The following TENM3 variants were observed in gnomAD, a reference collection of about 807,000 sequenced individuals.
TENM3 encodes the protein teneurin transmembrane protein 3.
Under a neutral mutation model 255.1 loss-of-function variants are expected in TENM3, and 63 were observed. The observed-to-expected ratio is 0.25, with a 90% CI of 0.20 to 0.30. TENM3 has a LOEUF of 0.30. TENM3 is among the 10% of genes least tolerant of loss of function. TENM3 has a pLI of 1.00. For synonymous variants in TENM3, 1,306 were observed against 1,322.3 expected, an observed-to-expected ratio of 0.99 and a Z score of 0.27; for missense variants, 2,929 against 3,461.1, an observed-to-expected ratio of 0.85 and a Z score of 3.86.
intron 4 of TENM3, among the ~76,000 whole-genome samples, chr4:182,608,050 CTG>C (rs1369088054): frequency 6.6e-6 from 1 of 152,144 alleles, no homozygotes; most frequent in African/African-American, 2.4e-5. Context: ...TCTCGAGCAA[CTG>C]TTTTGTGAGG....
chr4:181,869,255 T>C, the TENM3 span, among the ~76,000 whole-genome samples: 1 of 152,176 alleles, frequency 6.6e-6, no homozygotes, highest in African/African-American at 2.4e-5. Flanking sequence ...TCTTAAATTT[T>C]AGGAAACACT....
intron 3 of TENM3, among the ~76,000 whole-genome samples, chr4:182,470,339 C>A (rs965317815): frequency 6.6e-6 from 1 of 152,012 alleles, no homozygotes; most frequent in African/African-American, 2.4e-5. Context: ...TCTTAGTTTC[C>A]CAGGGTAATC....
At chr4:182,444,783 T>G (rs1772775711) in intron 3 of TENM3, among the ~76,000 whole-genome samples, 1 of 152,182 alleles carries the variant, frequency 6.6e-6, no homozygotes, top group South Asian at 2.1e-4. Flanking sequence ...TGAACTACAC[T>G]CCTAACAACC....
the TENM3 span, among the ~76,000 whole-genome samples, chr4:181,511,905 G>T: frequency 6.6e-6 from 1 of 152,056 alleles, no homozygotes; most frequent in South Asian, 2.1e-4. Flanking sequence ...GAGCTGCATG[G>T]ACTTGTACTG....
At chr4:181,986,484 C>T in the TENM3 span, among the ~76,000 whole-genome samples, 1 of 152,016 alleles carries the variant, frequency 6.6e-6, no homozygotes, top group East Asian at 1.9e-4. Flanking sequence ...TTAGTGTTTC[C>T]GCATGATAAT....
upstream of TENM3, among the ~76,000 whole-genome samples, chr4:182,139,496 G>C (rs1229272112): frequency 1.3e-5 from 2 of 152,164 alleles, no homozygotes; most frequent in East Asian, 3.9e-4. Flanking sequence ...TGTCACTATT[G>C]TATCATAAAC....
chr4:182,684,836 T>A (rs1308335294), intron 11 of TENM3, among the ~76,000 whole-genome samples: 1 of 152,216 alleles, frequency 6.6e-6, no homozygotes, highest in Non-Finnish European at 1.5e-5. Context: ...ATTAGTACAA[T>A]CTAATGGCAT....
the TENM3 span, among the ~76,000 whole-genome samples, chr4:181,553,266 T>TGC: frequency 9.4e-6 from 1 of 106,808 alleles, no homozygotes; most frequent in East Asian, 2.2e-4. Flanking sequence ...ATTAAGTGTG[T>TGC]GTGTGTGTGT....
chr4:181,655,237 G>T, the TENM3 span, among the ~76,000 whole-genome samples: 1 of 152,166 alleles, frequency 6.6e-6, no homozygotes, highest in Non-Finnish European at 1.5e-5. Context: ...TCCAAGGAGC[G>T]TGAGAAGAGT....
intron 3 of TENM3, among the ~76,000 whole-genome samples, chr4:182,372,522 G>C (rs527941454): frequency 2.7e-4 from 41 of 151,552 alleles, no homozygotes; most frequent in African/African-American, 9.4e-4. Flanking sequence ...AGATTTCTTT[G>C]TTTGCAAACA....
chr4:182,512,254 G>A (rs564373130), intron 3 of TENM3, among the ~76,000 whole-genome samples: 10 of 152,272 alleles, frequency 6.6e-5, no homozygotes, highest in African/African-American at 9.6e-5. Flanking sequence ...GTACCAGGCC[G>A]AAAATGGGCC....
the TENM3 span, among the ~76,000 whole-genome samples, chr4:181,518,686 TAA>T: frequency 6.6e-6 from 1 of 152,104 alleles, no homozygotes. Flanking sequence ...CTCAGCCTCC[TAA>T]AGTGTTGGGA....
At chr4:182,040,652 T>C in the TENM3 span, among the ~76,000 whole-genome samples, 3 of 152,194 alleles carry the variant, frequency 2.0e-5, no homozygotes, top group Admixed American at 1.3e-4. Context: ...ATTTCGTTCA[T>C]GCCACCACAC....
At chr4:181,724,764 A>G in the TENM3 span, among the ~76,000 whole-genome samples, 4 of 152,322 alleles carry the variant, frequency 2.6e-5, no homozygotes, top group East Asian at 7.7e-4. Flanking sequence ...AGGTATACTG[A>G]CTTTGAACTT....
At chr4:182,144,562 G>A (rs942854083), upstream of TENM3, 9 of 149,628 alleles carry the variant, frequency 6.0e-5, no homozygotes, top group African/African-American at 2.2e-4. Flanking sequence ...GGCGGGCAGG[G>A]AAGGAAGTTG....
chr4:182,738,432 G>A lies in TENM3; in HGVS notation c.3267G>A (p.Leu1089=), dbSNP rs937934602. 1 of 1,612,230 alleles carries A rather than the reference G, an allele frequency of 6.2e-7. No individual in the cohort carries two copies. Among genetic ancestry groups the A allele is most frequent in the African/African-American group, 1.3e-5 (1 of 74,828 alleles). Residue 1089 remains leucine, a synonymous_variant, in exon 18 of 28, where the codon TTG becomes TTA. Transcript: ENST00000511685. The stretch of plus-strand genomic sequence containing the variant: ...TTGGATATGAGTATGAGTCGTGTTT[G>A]GACCTGACTCTGTGGGAAAAGAGGA... The part of the protein sequence containing the change: ...VSVGYEYESC[L]DLTLWEKRTA...
the TENM3 span, among the ~76,000 whole-genome samples, chr4:181,693,156 G>A: frequency 1.8e-4 from 28 of 152,300 alleles, no homozygotes; most frequent in Admixed American, 9.8e-4. Flanking sequence ...TACATTTGAG[G>A]TCACGTGATA....
intron 4 of TENM3, among the ~76,000 whole-genome samples, chr4:182,610,228 T>C (rs564782676): frequency 7.2e-5 from 11 of 152,334 alleles, no homozygotes; most frequent in Non-Finnish European, 1.3e-4. Context: ...TAGAGATAAT[T>C]CATAAAATGA....
chr4:181,502,786 G>T, the TENM3 span, among the ~76,000 whole-genome samples: 1 of 152,162 alleles, frequency 6.6e-6, no homozygotes, highest in Non-Finnish European at 1.5e-5. Context: ...CGGAAGCTCA[G>T]TTCCTACAGA....
Sources: gnomAD v4.1 joint callset for allele counts (sites outside exome capture counted in the v4.1 genomes callset) on GRCh38, gnomAD v4.1.1 for gene constraint, MANE v1.5 for transcripts, NCBI Gene and HGNC (gene_info 2026-07-23, HGNC 2026-07-21) for gene names.